RAD18: variants seen among roughly 807,000 people sequenced by gnomAD.
RAD18 encodes the protein RAD18 E3 ubiquitin protein ligase.
Under a neutral mutation model 60.4 loss-of-function variants are expected in RAD18, and 47 were observed. That is an observed-to-expected ratio of 0.78 (90% CI 0.62 to 0.99). The LOEUF is 0.99. RAD18 is among the 50% of genes least tolerant of loss of function. The probability of loss-of-function intolerance (pLI) is 0.00; values close to 1 mark genes in which losing one functional copy is unlikely to be tolerated. For synonymous variants in RAD18, 225 were observed against 195.5 expected, an observed-to-expected ratio of 1.15 and a Z score of -1.26; for missense variants, 640 against 593.3, an observed-to-expected ratio of 1.08 and a Z score of -0.82.
intron 3 of RAD18, among the ~76,000 whole-genome samples, 165 bp downstream of exon 3, chr3:8,948,344 A>G (rs1940870889): frequency 1.3e-5 from 2 of 152,232 alleles, no homozygotes; most frequent in South Asian, 4.1e-4. Context: ...AACAAAGCCC[A>G]GCTCTTCTTA....
chr3:8,887,356 T>C (rs1224673327), intron 12 of RAD18, among the ~76,000 whole-genome samples: 3 of 152,172 alleles, frequency 2.0e-5, no homozygotes, highest in African/African-American at 7.2e-5. Flanking sequence ...GGGAGGACTA[T>C]GATCCTACCA....
At chr3:8,946,017 C>G (rs370986137) in intron 4 of RAD18, among the ~76,000 whole-genome samples, 23 of 151,774 alleles carry the variant, frequency 1.5e-4, no homozygotes, top group African/African-American at 5.3e-4. Flanking sequence ...AGTGTGTAGT[C>G]TAAGTGTACA....
chr3:8,936,106 T>C, intron 6 of RAD18, 51 bp from the exon 7 acceptor site: 1 of 1,383,316 alleles, frequency 7.2e-7, no homozygotes, highest in South Asian at 1.6e-5. Context: ...TCAAATGCTT[T>C]TCATGTAAAA....
At chr3:8,941,180 T>C (rs769228552) in intron 5 of RAD18, among the ~76,000 whole-genome samples, 2 of 152,168 alleles carry the variant, frequency 1.3e-5, no homozygotes, top group Non-Finnish European at 2.9e-5. Flanking sequence ...GGAACTGATA[T>C]GTTGAATGAG....
intron 9 of RAD18, among the ~76,000 whole-genome samples, chr3:8,905,250 A>G (rs1431966268): frequency 1.3e-5 from 2 of 152,204 alleles, no homozygotes; most frequent in Non-Finnish European, 2.9e-5. Context: ...ATTTTCTTCC[A>G]GATTTTGAAT....
intron 7 of RAD18, among the ~76,000 whole-genome samples, chr3:8,913,963 G>GAGTCC (rs1553625607): frequency 2.0e-5 from 3 of 151,416 alleles, no homozygotes; most frequent in Non-Finnish European, 4.4e-5. Context: ...ATAACCACAA[G>GAGTCC]AGTCAAGTCA....
At chr3:8,921,640 T>A (rs474008) in intron 7 of RAD18, among the ~76,000 whole-genome samples, 103,569 of 150,646 alleles carry the variant, frequency 0.69, 36,121 homozygotes, top group Middle Eastern at 0.77. Context: ...ACCCTATCTT[T>A]AAAAAAAAAC....
At chr3:8,896,193 T>C (rs1939780275) in intron 11 of RAD18, among the ~76,000 whole-genome samples, 1 of 152,164 alleles carries the variant, frequency 6.6e-6, no homozygotes, top group South Asian at 2.1e-4. Flanking sequence ...AAATTCTAAA[T>C]CTGAAAAACT....
chr3:8,933,776 T>C (rs1940603214), intron 7 of RAD18, among the ~76,000 whole-genome samples: 1 of 152,188 alleles, frequency 6.6e-6, no homozygotes, highest in African/African-American at 2.4e-5. Flanking sequence ...AATTGATCTA[T>C]AAATTCAATG....
At position 8,963,455 on chromosome 3, in the gene RAD18, C is replaced by G. The variant is rs557390065; in HGVS notation, c.-70G>C. Reference sequence around the variant, plus strand: ...GGCGCTCCAACACCACTCGAAATTCCCCGCGCTACCGCATTACGTCAGCAG... The same window carrying G: ...GGCGCTCCAACACCACTCGAAATTCGCCGCGCTACCGCATTACGTCAGCAG... On this transcript the variant is annotated 5_prime_UTR_variant, in exon 1 of 13. Transcript: ENST00000264926. 2.3e-5 allele frequency: 33 copies of G among 1,406,900 alleles called. No homozygotes were observed. The highest frequency in any genetic ancestry group is 2.9e-5 in the African/African-American group (2 of 69,220). 87.2% of individuals were successfully genotyped at this position (1,406,900 alleles called of 1,614,324 possible).
At chr3:8,934,365 T>C (rs1375159404) in intron 7 of RAD18, among the ~76,000 whole-genome samples, 5 of 152,118 alleles carry the variant, frequency 3.3e-5, no homozygotes, top group Admixed American at 2.6e-4. Flanking sequence ...CAAAAGATTT[T>C]TATCCAGGAA....
chr3:8,902,381 C>A lies in RAD18; in HGVS notation c.1167G>T (p.Met389Ile). The A allele has an allele frequency of 6.3e-7, 1 of 1,582,212 alleles. No individual in the cohort carries two copies. The highest frequency in any genetic ancestry group is 1.8e-5 in the Admixed American group (1 of 54,506). ...CTGTTTTTAATTATAGTCTCTTACC[C>A]ATGCATACAGAAGATAGCTTTTCTG... is the stretch of plus-strand genomic sequence containing the variant. ...ESTEKLSSVCMGQEDNMTSVT... is the reference protein window; with the variant it reads ...ESTEKLSSVCIGQEDNMTSVT... The change falls in exon 10 of 13, where the codon ATG becomes ATT. Residue 389 changes from methionine (M) to isoleucine (I), a missense_variant and splice_region_variant. Physicochemically the swap from Met to Ile is conservative, Grantham distance 10 (BLOSUM62 1). Coordinates refer to ENST00000264926, the MANE Select transcript of RAD18 (RefSeq NM_020165.4).
chr3:8,893,419 T>C (rs1246317175), intron 11 of RAD18, among the ~76,000 whole-genome samples: 9 of 152,118 alleles, frequency 5.9e-5, no homozygotes. Context: ...CACTGGAGGA[T>C]CAATGCAGGA....
chr3:8,963,266 A>C, intron 1 of RAD18, 69 bp downstream of exon 1: 1 of 1,472,208 alleles, frequency 6.8e-7, no homozygotes, highest in Non-Finnish European at 9.3e-7. Context: ...AGGCGAGGAC[A>C]TCCTCCTCAA....
intron 12 of RAD18, among the ~76,000 whole-genome samples, chr3:8,887,544 CTTG>C (rs1240386748): frequency 6.6e-6 from 1 of 152,186 alleles, no homozygotes; most frequent in Non-Finnish European, 1.5e-5. Context: ...TATCTTGTAG[CTTG>C]TTGTTGTTGC....
Position 8,899,040 on chromosome 3 carries a change from T to C in RAD18, c.1176A>G (p.Glu392=). The C allele has an allele frequency of 6.3e-7, 1 of 1,581,834 alleles. No homozygotes were observed. Among genetic ancestry groups the C allele is most frequent in the African/African-American group, 1.4e-5 (1 of 73,482 alleles). The change falls in exon 11 of 13, where the codon GAA becomes GAG. Residue 392 remains glutamate (E), a synonymous_variant. Transcript: ENST00000264926. ...EKLSSVCMGQ[E]DNMTSVTNHF... The stretch of plus-strand genomic sequence containing the variant: ...GGTTTGTTACTGAGGTCATATTATC[T>C]TCCTGTCCTAGGAAAAAATAAATTT...
intron 12 of RAD18, 119 bp from the exon 13 acceptor site, chr3:8,881,578 C>T: frequency 2.7e-6 from 2 of 731,788 alleles, no homozygotes; most frequent in Admixed American, 5.8e-5. Context: ...ATCCTCTATT[C>T]TGTTGATGAA....
intron 12 of RAD18, among the ~76,000 whole-genome samples, chr3:8,889,484 A>T (rs45485292): frequency 0.025 from 3,821 of 152,286 alleles, 142 homozygotes; most frequent in African/African-American, 0.086. Context: ...AATCATATAA[A>T]TGTGCTGGAA....
chr3:8,911,778 A>C (rs902977211), intron 9 of RAD18, among the ~76,000 whole-genome samples: 12 of 152,354 alleles, frequency 7.9e-5, no homozygotes, highest in Non-Finnish European at 1.2e-4. Context: ...AATTTAAACT[A>C]AAATCCAACC....
Sources: gnomAD v4.1 joint callset for allele counts (sites outside exome capture counted in the v4.1 genomes callset) on GRCh38, gnomAD v4.1.1 for gene constraint, MANE v1.5 for transcripts, NCBI Gene and HGNC (gene_info 2026-07-23, HGNC 2026-07-21) for gene names.